Variants in AGPAT5 observed in about 807,000 individuals in gnomAD.
The protein encoded by AGPAT5 is 1-acyl-sn-glycerol-3-phosphate acyltransferase epsilon.
In AGPAT5, 46 loss-of-function variants were observed where a neutral mutation model predicts 45.6. That is an observed-to-expected ratio of 1.01 (90% CI 0.80 to 1.29). AGPAT5 has a LOEUF of 1.29. Among genes scored for constraint, AGPAT5 ranks in the 50% most tolerant of loss-of-function variants. The pLI, the probability that AGPAT5 is intolerant of heterozygous loss-of-function variation, is 0.00. For missense variants in AGPAT5, 673 were observed against 450.7 expected (o/e 1.49, Z -4.47); for synonymous variants, 272 against 167.0 (o/e 1.63, Z -4.85).
At chr8:6,732,436 A>G (rs1310062908) in intron 3 of AGPAT5, 125 bp from the exon 4 acceptor site, 3 of 619,812 alleles carry the variant, frequency 4.8e-6, no homozygotes, top group Non-Finnish European at 7.9e-6. Context: ...GATATTAAAT[A>G]TAGATTAAAT....
rs1587054442 is a variant in AGPAT5 at position 6,745,595 on chromosome 8, G to A, written c.587-2075G>A. Reference sequence around the variant, plus strand: ...TAAACAATGGAGTATAATTTTTCTTGTTGAAGATAAATATCACCTCCTCTT... The same window carrying A: ...TAAACAATGGAGTATAATTTTTCTTATTGAAGATAAATATCACCTCCTCTT... On this transcript the variant is annotated intron_variant, in intron 5 of 7. Coordinates refer to ENST00000285518, the MANE Select transcript of AGPAT5 (RefSeq NM_018361.5). Among the ~76,000 whole-genome samples the A allele has an allele frequency of 4.6e-5, 7 of 152,054 alleles. No homozygotes were observed. The South Asian group carries it at 1.5e-3, about 32-fold the overall frequency.
intron 5 of AGPAT5, among the ~76,000 whole-genome samples, chr8:6,744,363 G>T (rs188192369): frequency 6.6e-6 from 1 of 152,208 alleles, no homozygotes; most frequent in South Asian, 2.1e-4. Context: ...TCTTAAGAAG[G>T]TGTGTTTGCT....
chr8:6,708,980 G>T (rs545501024), intron 1 of AGPAT5, 93 bp downstream of exon 1: 38 of 1,270,374 alleles, frequency 3.0e-5, no homozygotes, highest in Non-Finnish European at 3.9e-5. Context: ...AGGGTCACCC[G>T]GCCGGCCCGG....
intron 2 of AGPAT5, among the ~76,000 whole-genome samples, chr8:6,729,859 G>A (rs1400451997): frequency 1.3e-5 from 2 of 152,096 alleles, no homozygotes; most frequent in African/African-American, 4.8e-5. Flanking sequence ...GTTATTAGCA[G>A]TCTGAGATCA....
At chr8:6,720,214 G>C (rs1563285031) in intron 1 of AGPAT5, among the ~76,000 whole-genome samples, 1 of 151,714 alleles carries the variant, frequency 6.6e-6, no homozygotes, top group Non-Finnish European at 1.5e-5. Flanking sequence ...GCTAACCGAG[G>C]GCTTATCGCT....
chr8:6,747,693 C>G lies in AGPAT5; in HGVS notation c.610C>G (p.Leu204Val). ...QRGLAVLKHV[L>V]TPRIKATHVA... ...AGGCCTTGCAGTATTAAAACATGTGCTAACACCACGAATAAAGGCAACTCA... is the reference window on the plus strand; with the variant it reads ...AGGCCTTGCAGTATTAAAACATGTGGTAACACCACGAATAAAGGCAACTCA... Residue 204 changes from leucine to valine, a missense_variant, in exon 6 of 8, where the codon CTA becomes GTA. Transcript: ENST00000285518. 6.2e-7 allele frequency: 1 copy of G among 1,614,024 alleles called. No individual in the cohort carries two copies. The highest frequency in any genetic ancestry group is 8.5e-7 in the Non-Finnish European group (1 of 1,179,940).
At chr8:6,750,419 C>T (rs976215608) in intron 6 of AGPAT5, among the ~76,000 whole-genome samples, 1 of 152,140 alleles carries the variant, frequency 6.6e-6, no homozygotes, top group Non-Finnish European at 1.5e-5. Flanking sequence ...AAAGATTGAC[C>T]TTTCTGACTT....
At chr8:6,714,116 T>C (rs1245248695) in intron 1 of AGPAT5, among the ~76,000 whole-genome samples, 2 of 152,242 alleles carry the variant, frequency 1.3e-5, no homozygotes, top group Non-Finnish European at 1.5e-5. Flanking sequence ...TCTGCCAAAA[T>C]GTTGCCCAGC....
At position 6,716,607 on chromosome 8, in the gene AGPAT5, A is replaced by G. The variant is rs766356010; in HGVS notation, c.219+7720A>G. Among the ~76,000 whole-genome samples, 29 of 152,032 alleles carry G rather than the reference A, an allele frequency of 1.9e-4. 1 individual carries two copies. Among genetic ancestry groups the G allele is most frequent in the Non-Finnish European group, 8.8e-5 (6 of 67,992 alleles). On this transcript the variant is annotated intron_variant, in intron 1 of 7. Coordinates refer to ENST00000285518, the MANE Select transcript of AGPAT5 (RefSeq NM_018361.5). ...CCAAGCACTTTGGGAGGCTGAGGCA[A>G]TGGATCACCTGAGGTCGGGAGTTCG...
intron 1 of AGPAT5, among the ~76,000 whole-genome samples, chr8:6,722,857 T>C (rs1800553176): frequency 6.6e-6 from 1 of 151,878 alleles, no homozygotes; most frequent in African/African-American, 2.4e-5. Context: ...GGATGTCTGA[T>C]GAGTTCTTAA....
chr8:6,757,127 T>C (rs755986004), intron 7 of AGPAT5, 36 bp from the exon 8 acceptor site: 7 of 1,527,030 alleles, frequency 4.6e-6, no homozygotes. Flanking sequence ...AATACTGAAG[T>C]GACTAAAATC....
chr8:6,747,729 G>C lies in AGPAT5; in HGVS notation c.646G>C (p.Asp216His), dbSNP rs1402436176. The change falls in exon 6 of 8, where the codon GAT becomes CAT. Residue 216 changes from aspartate to histidine, a missense_variant. Transcript: ENST00000285518. ...AATAAAGGCAACTCACGTTGCTTTTGATTGCATGAAGAATTATTTAGATGC... is the reference window on the plus strand; with the variant it reads ...AATAAAGGCAACTCACGTTGCTTTTCATTGCATGAAGAATTATTTAGATGC... ...PRIKATHVAF[D>H]CMKNYLDAIY... 3 of 1,614,058 alleles carry C rather than the reference G, an allele frequency of 1.9e-6. No homozygotes were observed. The highest frequency in any genetic ancestry group is 4.5e-5 in the East Asian group (2 of 44,900).
At chr8:6,756,864 G>A (rs1801858905) in intron 7 of AGPAT5, among the ~76,000 whole-genome samples, 1 of 152,084 alleles carries the variant, frequency 6.6e-6, no homozygotes, top group Admixed American at 6.6e-5. Context: ...TTGTGAGTCA[G>A]GTCACTGTAA....
At chr8:6,727,877 ATC>A (rs1800739526) in intron 2 of AGPAT5, among the ~76,000 whole-genome samples, 1 of 152,158 alleles carries the variant, frequency 6.6e-6, no homozygotes, top group Admixed American at 6.5e-5. Context: ...CAAATTACTT[ATC>A]TCTCAGAGCC....
intron 7 of AGPAT5, among the ~76,000 whole-genome samples, chr8:6,755,594 G>A (rs1315702416): frequency 1.3e-5 from 2 of 152,166 alleles, no homozygotes; most frequent in East Asian, 3.8e-4. Flanking sequence ...ACGTGCAGGT[G>A]GACATGATGC....
chr8:6,716,119 A>T (rs1409674264), intron 1 of AGPAT5, among the ~76,000 whole-genome samples: 1 of 152,174 alleles, frequency 6.6e-6, no homozygotes, highest in Non-Finnish European at 1.5e-5. Flanking sequence ...TGTCAGGGTA[A>T]CTTTTATGTA....
chr8:6,728,139 C>T (rs1049166526), intron 2 of AGPAT5, among the ~76,000 whole-genome samples: 1 of 152,192 alleles, frequency 6.6e-6, no homozygotes, highest in Non-Finnish European at 1.5e-5. Flanking sequence ...ATTAGACTTG[C>T]TGCCCCTCAC....
rs546866485 is a variant in AGPAT5 at position 6,746,725 on chromosome 8, A to G, written c.587-945A>G. 2.4e-4 allele frequency among the ~76,000 whole-genome samples: 36 copies of G among 152,310 alleles called. 1 individual carries two copies. In the South Asian group the frequency reaches 7.1e-3, roughly 30 times the overall value. On this transcript the variant is annotated intron_variant, in intron 5 of 7. Coordinates refer to ENST00000285518, the MANE Select transcript of AGPAT5 (RefSeq NM_018361.5). ...ACCTCTTGTGTGGGACAGTCCCACC[A>G]TGTAATAGCTGTTCTTCCTTACTCA...
intron 7 of AGPAT5, among the ~76,000 whole-genome samples, chr8:6,755,589 C>T (rs1266110668): frequency 6.6e-6 from 1 of 152,142 alleles, no homozygotes; most frequent in African/African-American, 2.4e-5. Context: ...TGCGGACGTG[C>T]AGGTGGACAT....
Sources: gnomAD v4.1 joint callset for allele counts (sites outside exome capture counted in the v4.1 genomes callset) on GRCh38, gnomAD v4.1.1 for gene constraint, MANE v1.5 for transcripts, NCBI Gene and HGNC (gene_info 2026-07-23, HGNC 2026-07-21) for gene names.